The following NPY2R variants were observed in gnomAD, a reference collection of about 807,000 sequenced individuals.
NPY2R encodes neuropeptide Y receptor Y2, also known as neuropeptide Y receptor type 2.
In NPY2R, 17 loss-of-function variants were observed where a neutral mutation model predicts 22.3. The observed-to-expected ratio is 0.76, with a 90% confidence interval of 0.52 to 1.14. NPY2R has a LOEUF of 1.14. Ranked by LOEUF, NPY2R falls within the 50% of genes most tolerant of loss-of-function variation. NPY2R has a pLI of 0.00. For synonymous variants in NPY2R, 209 were observed against 183.4 expected, an observed-to-expected ratio of 1.14 and a Z score of -1.13; for missense variants, 424 against 467.9, an observed-to-expected ratio of 0.91 and a Z score of 0.87.
At chr4:155,182,089 G>T in the NPY2R span, among the ~76,000 whole-genome samples, 2 of 152,012 alleles carry the variant, frequency 1.3e-5, no homozygotes, top group African/African-American at 4.8e-5. Context: ...ATAACTAAAG[G>T]CTAATTAATC....
At chr4:155,174,484 A>ATATATATATATATATATATTTTTT in the NPY2R span, among the ~76,000 whole-genome samples, 5 of 106,118 alleles carry the variant, frequency 4.7e-5, no homozygotes, top group African/African-American at 2.3e-4. Context: ...ATATATATAT[A>ATATATATATATATATATATTTTTT]TTTTTTTTTT....
At chr4:155,196,429 T>G in the NPY2R span, among the ~76,000 whole-genome samples, 10 of 152,064 alleles carry the variant, frequency 6.6e-5, no homozygotes, top group Admixed American at 5.3e-4. Context: ...TATAATTATC[T>G]TGAACATAAA....
chr4:155,208,274 C>T (rs1729323493), upstream of NPY2R: 1 of 152,370 alleles, frequency 6.6e-6, no homozygotes, highest in Non-Finnish European at 1.5e-5. The surrounding 1 kb of genome is among the most constrained non-coding windows in gnomAD (Gnocchi z 5.6). Flanking sequence ...CCTCCTCCCG[C>T]CAGCCTGAGG....
rs777728259 is a variant in NPY2R, at chr4:155,214,433, G to A, written c.494G>A (p.Ser165Asn). 1.2e-5 allele frequency: 20 copies of A among 1,613,968 alleles called. No individual in the cohort carries two copies. In the African/African-American group the frequency reaches 1.7e-4, roughly 14 times the overall value. The change falls in exon 2 of 2, where the codon AGC becomes AAC. Residue 165 changes from serine (S) to asparagine (N), a missense_variant. Coordinates refer to ENST00000329476, the MANE Select transcript of NPY2R (RefSeq NM_000910.4). ...GAGAGCAAGATCTCCAAGCGAATCAGCTTCCTGATTATTGGCTTGGCCTGG... is the reference window on the plus strand; with the variant it reads ...GAGAGCAAGATCTCCAAGCGAATCAACTTCCTGATTATTGGCTTGGCCTGG... ...HLESKISKRI[S>N]FLIIGLAWGI...
chr4:155,191,749 G>A, the NPY2R span, among the ~76,000 whole-genome samples: 110 of 151,176 alleles, frequency 7.3e-4, 1 homozygote, highest in East Asian at 0.018. Context: ...TTTATGGCTT[G>A]TGGACTTTCT....
the NPY2R span, among the ~76,000 whole-genome samples, chr4:155,195,068 T>G: frequency 6.6e-6 from 1 of 151,938 alleles, no homozygotes; most frequent in Non-Finnish European, 1.5e-5. Flanking sequence ...AAGAGATGTA[T>G]CCCCAAGAAT....
intron 1 of NPY2R, 36 bp from the exon 2 acceptor site, chr4:155,213,856 G>A (rs759227360): frequency 8.9e-7 from 1 of 1,127,600 alleles, no homozygotes. Flanking sequence ...GGTTTTTGTT[G>A]TTGTTGTTTT....
chr4:155,193,044 G>A, the NPY2R span, among the ~76,000 whole-genome samples: 1 of 151,858 alleles, frequency 6.6e-6, no homozygotes, highest in South Asian at 2.1e-4. Context: ...GTTATGAGAA[G>A]GGATTGTAGG....
chr4:155,212,623 G>A (rs947409615), intron 1 of NPY2R, among the ~76,000 whole-genome samples: 7 of 152,144 alleles, frequency 4.6e-5, no homozygotes, highest in Non-Finnish European at 8.8e-5. Context: ...TTAGGTGAAT[G>A]AATTAATTAA....
chr4:155,191,137 G>T, the NPY2R span, among the ~76,000 whole-genome samples: 1 of 151,866 alleles, frequency 6.6e-6, no homozygotes, highest in Non-Finnish European at 1.5e-5. Context: ...TAAGACAGCA[G>T]AGAAGAGGCA....
At chr4:155,191,742 A>G in the NPY2R span, among the ~76,000 whole-genome samples, 1 of 151,880 alleles carries the variant, frequency 6.6e-6, no homozygotes, top group Non-Finnish European at 1.5e-5. Context: ...GACTAAATTT[A>G]TGGCTTGTGG....
chr4:155,179,417 C>T, the NPY2R span, among the ~76,000 whole-genome samples: 5 of 152,088 alleles, frequency 3.3e-5, no homozygotes, highest in African/African-American at 1.2e-4. Context: ...ACTTGAGGGA[C>T]AGTTTGATTC....
chr4:155,212,606 A>T (rs1729428669), intron 1 of NPY2R, among the ~76,000 whole-genome samples: 1 of 152,182 alleles, frequency 6.6e-6, no homozygotes. Context: ...ACACTCGATT[A>T]TTTCTGTTAG....
the NPY2R span, among the ~76,000 whole-genome samples, chr4:155,203,036 T>C: frequency 3.7e-4 from 57 of 152,266 alleles, no homozygotes; most frequent in African/African-American, 1.4e-3. Context: ...CTTTTAGATT[T>C]GGTTCCTTAC....
At chr4:155,213,097 C>G (rs1158489822) in intron 1 of NPY2R, among the ~76,000 whole-genome samples, 1 of 151,974 alleles carries the variant, frequency 6.6e-6, no homozygotes, top group Non-Finnish European at 1.5e-5. Flanking sequence ...CAAAAGCATA[C>G]AGAGTGGTAT....
chr4:155,193,433 T>C, the NPY2R span, among the ~76,000 whole-genome samples: 1 of 151,836 alleles, frequency 6.6e-6, no homozygotes, highest in East Asian at 1.9e-4. Context: ...TTATCCAAGG[T>C]GCAAGCAGGA....
chr4:155,192,843 A>G, the NPY2R span, among the ~76,000 whole-genome samples: 1 of 151,900 alleles, frequency 6.6e-6, no homozygotes, highest in Non-Finnish European at 1.5e-5. Context: ...GGAAGAGGAG[A>G]AGGAATCATT....
chr4:155,199,578 G>A, the NPY2R span, among the ~76,000 whole-genome samples: 1 of 151,970 alleles, frequency 6.6e-6, no homozygotes, highest in Non-Finnish European at 1.5e-5. Context: ...TAAGCAAAAA[G>A]AACAAAACTG....
upstream of NPY2R, chr4:155,206,758 A>G (rs1729291710): frequency 1.3e-5 from 2 of 152,200 alleles, no homozygotes; most frequent in Non-Finnish European, 2.9e-5. Context: ...AAATCAGTTG[A>G]ATTTTCCAAA....
Sources: gnomAD v4.1 joint callset for allele counts (sites outside exome capture counted in the v4.1 genomes callset) on GRCh38, gnomAD v4.1.1 for gene constraint, Gnocchi (gnomAD v3.1) non-coding constraint, MANE v1.5 for transcripts, NCBI Gene and HGNC (gene_info 2026-07-23, HGNC 2026-07-21) for gene names.